Variants in LARGE1 observed in about 807,000 individuals in gnomAD.
LARGE1 encodes xylosyl- and glucuronyltransferase LARGE1.
A neutral mutation model predicts 87.6 loss-of-function variants in LARGE1; 43 were observed. That is an observed-to-expected ratio of 0.49 (90% CI 0.38 to 0.63). LARGE1 has a LOEUF of 0.63. Among genes scored for constraint, LARGE1 ranks in the 30% least tolerant of loss-of-function variants. The pLI, the probability that LARGE1 is intolerant of heterozygous loss-of-function variation, is 0.00. For synonymous variants in LARGE1, 434 were observed against 394.6 expected (o/e 1.10, Z -1.18); for missense variants, 802 against 1,000.2 (o/e 0.80, Z 2.67).
intron 1 of LARGE1, among the ~76,000 whole-genome samples, chr22:33,795,133 A>G (rs1432391487): frequency 6.6e-6 from 1 of 152,212 alleles, no homozygotes; most frequent in Non-Finnish European, 1.5e-5. Context: ...CCGTCTTTGT[A>G]AACTGTGTAA....
chr22:33,404,144 C>G (rs190341949), intron 7 of LARGE1, among the ~76,000 whole-genome samples: 2 of 152,220 alleles, frequency 1.3e-5, no homozygotes, highest in African/African-American at 4.8e-5. Flanking sequence ...GAAAGCTCAG[C>G]TGGGAGATGT....
At chr22:33,091,294 T>C in the LARGE1 span, among the ~76,000 whole-genome samples, 1 of 152,086 alleles carries the variant, frequency 6.6e-6, no homozygotes, top group African/African-American at 2.4e-5. Context: ...AGGGCAGTGG[T>C]TCACATCTGT....
chr22:33,854,141 G>C (rs1177421455), intron 1 of LARGE1, among the ~76,000 whole-genome samples: 1 of 136,912 alleles, frequency 7.3e-6, no homozygotes, highest in South Asian at 2.5e-4. Flanking sequence ...AAGCAAATGA[G>C]TATCACATTC....
intron 2 of LARGE1, among the ~76,000 whole-genome samples, chr22:33,674,551 G>A (rs1473896430): frequency 3.3e-5 from 5 of 152,140 alleles, no homozygotes; most frequent in African/African-American, 4.8e-5. Flanking sequence ...ATGCTCAGCC[G>A]ACAGTGACTT....
upstream of LARGE1, among the ~76,000 whole-genome samples, chr22:33,922,182 G>T (rs1430713312): frequency 2.0e-5 from 3 of 151,906 alleles, no homozygotes; most frequent in Non-Finnish European, 2.9e-5. Flanking sequence ...CTTGGAAGGG[G>T]CAGGGGAAGG....
At chr22:33,600,692 G>C (rs769203960) in intron 5 of LARGE1, among the ~76,000 whole-genome samples, 8 of 152,198 alleles carry the variant, frequency 5.3e-5, no homozygotes, top group Non-Finnish European at 8.8e-5. Context: ...CGCAAGTGGT[G>C]CAAGAACAAC....
At chr22:33,648,575 A>G (rs2080692159) in intron 3 of LARGE1, among the ~76,000 whole-genome samples, 2 of 152,196 alleles carry the variant, frequency 1.3e-5, no homozygotes, top group African/African-American at 4.8e-5. Flanking sequence ...GCCTTCACCA[A>G]GGCAAGAACA....
At chr22:33,875,418 G>A (rs2064432329) in intron 1 of LARGE1, among the ~76,000 whole-genome samples, 1 of 152,198 alleles carries the variant, frequency 6.6e-6, no homozygotes, top group Non-Finnish European at 1.5e-5. Flanking sequence ...TGTCCCTCTT[G>A]ACTGGGGAAC....
chr22:33,155,435 G>T, the LARGE1 span, among the ~76,000 whole-genome samples: 2 of 152,186 alleles, frequency 1.3e-5, no homozygotes, highest in Non-Finnish European at 2.9e-5. Flanking sequence ...GAGCAAAAAT[G>T]ACTCTTGTTA....
intron 1 of LARGE1, among the ~76,000 whole-genome samples, chr22:33,841,911 T>C (rs151290581): frequency 6.6e-6 from 1 of 152,246 alleles, no homozygotes; most frequent in African/African-American, 2.4e-5. Flanking sequence ...ACTCCAAAAA[T>C]AGTGGCAAAT....
At chr22:33,211,498 C>T (rs1024941822) in intron 11 of LARGE1, among the ~76,000 whole-genome samples, 2 of 152,222 alleles carry the variant, frequency 1.3e-5, no homozygotes, top group Admixed American at 1.3e-4. Context: ...TGAGGCTGGG[C>T]GTGGTGGCTC....
chr22:33,328,513 A>G (rs189277520), intron 10 of LARGE1, among the ~76,000 whole-genome samples: 145 of 152,140 alleles, frequency 9.5e-4, no homozygotes, highest in Admixed American at 1.8e-3. Context: ...CGGGAGGCGG[A>G]GGTTGCAGTG....
chr22:33,826,391 G>A (rs1017544003), intron 1 of LARGE1, among the ~76,000 whole-genome samples: 1 of 148,476 alleles, frequency 6.7e-6, no homozygotes, highest in Non-Finnish European at 1.5e-5. Flanking sequence ...CGCACAGGCT[G>A]GAGCACAATG....
intron 11 of LARGE1, among the ~76,000 whole-genome samples, chr22:33,306,648 A>G (rs1934962897): frequency 1.3e-5 from 2 of 152,118 alleles, no homozygotes. Context: ...CAAGGCGGGC[A>G]GATCATCGAG....
chr22:33,192,421 T>C (rs550756783), intron 11 of LARGE1, among the ~76,000 whole-genome samples: 1 of 152,300 alleles, frequency 6.6e-6, no homozygotes, highest in African/African-American at 2.4e-5. Context: ...AGATGATTAG[T>C]GATGCTGAGC....
At chr22:33,757,150 T>C (rs1036856449) in intron 2 of LARGE1, among the ~76,000 whole-genome samples, 1 of 152,208 alleles carries the variant, frequency 6.6e-6, no homozygotes, top group Non-Finnish European at 1.5e-5. Context: ...ATCTCATCTC[T>C]TTCCCAGATG....
intron 1 of LARGE1, among the ~76,000 whole-genome samples, chr22:33,866,736 T>C (rs974709181): frequency 1.3e-5 from 2 of 152,154 alleles, no homozygotes; most frequent in Non-Finnish European, 2.9e-5. Context: ...GCACGGTGGA[T>C]TGCTGCGAGG....
intron 11 of LARGE1, among the ~76,000 whole-genome samples, chr22:33,259,128 T>G (rs550654563): frequency 6.6e-6 from 1 of 152,316 alleles, no homozygotes; most frequent in Admixed American, 6.5e-5. Flanking sequence ...TTTGCCCGCC[T>G]TGGCCTCCCA....
chr22:33,320,841 C>G (rs568465760), intron 10 of LARGE1: 2 of 152,246 alleles, frequency 1.3e-5, no homozygotes, highest in African/African-American at 4.8e-5. Flanking sequence ...ATTTCCTCTC[C>G]TCCCCAGAGC....
Sources: gnomAD v4.1 joint callset for allele counts (sites outside exome capture counted in the v4.1 genomes callset) on GRCh38, gnomAD v4.1.1 for gene constraint, MANE v1.5 for transcripts, NCBI Gene and HGNC (gene_info 2026-07-23, HGNC 2026-07-21) for gene names.